C2CD3: variants seen among roughly 807,000 people sequenced by gnomAD.
C2CD3 encodes the protein C2 domain containing 3 centriole elongation regulator, also known as C2 domain-containing protein 3.
C2CD3 carries 148 observed loss-of-function variants against 234.0 expected under a neutral mutation model. The observed-to-expected ratio is 0.63, with a 90% CI of 0.55 to 0.72. The LOEUF (loss-of-function observed/expected upper bound fraction) is 0.72. C2CD3 is among the 30% of genes least tolerant of loss of function. The probability of loss-of-function intolerance (pLI) is 0.00; values close to 1 mark genes in which losing one functional copy is unlikely to be tolerated. For synonymous variants in C2CD3, 1,000 were observed against 1,035.4 expected (o/e 0.97, Z 0.66); for missense variants, 2,577 against 2,811.5 (o/e 0.92, Z 1.89).
In C2CD3 at chr11:74,066,153, T is replaced by C. The variant is rs183776189; in HGVS notation, c.4951+8100A>G. 9.1e-3 allele frequency among the ~76,000 whole-genome samples: 1,361 copies of C among 148,950 alleles called. 20 individuals carry two copies. Among genetic ancestry groups the C allele is most frequent in the African/African-American group, 0.032 (1,298 of 40,262 alleles). ...TGAGTTCGTGTCCTTTGTAGGTACA[T>C]GGATGAAGCTAGAAACCATCATTCT... is the stretch of plus-strand genomic sequence containing the variant. On this transcript the variant is annotated intron_variant, in intron 24 of 32. Transcript: ENST00000334126.
intron 2 of C2CD3, among the ~76,000 whole-genome samples, chr11:74,167,149 T>C (rs1331035091): frequency 6.6e-6 from 1 of 152,212 alleles, no homozygotes; most frequent in Admixed American, 6.5e-5. Flanking sequence ...CCAATGTAAA[T>C]GTTCGGATGC....
chr11:74,027,902 A>T (rs1952369216), intron 32 of C2CD3, among the ~76,000 whole-genome samples: 1 of 152,116 alleles, frequency 6.6e-6, no homozygotes, highest in African/African-American at 2.4e-5. Flanking sequence ...TGTACGACTG[A>T]TATTATTCTC....
chr11:74,049,393 T>C lies in C2CD3; in HGVS notation c.5305A>G (p.Ile1769Val). 6.2e-7 allele frequency: 1 copy of C among 1,614,136 alleles called. No homozygotes were observed. Among genetic ancestry groups the C allele is most frequent in the East Asian group, 2.2e-5 (1 of 44,884 alleles). ...GCTTGCCTTTCTTCTTTGAAGTGTA[T>C]CAAACTCTCCAAAGGGGAGACAGCA... ...KVAVSPLESLIHFKEERQARR... is the reference protein window; with the variant it reads ...KVAVSPLESLVHFKEERQARR... The change falls in exon 27 of 33, where the codon ATA becomes GTA. Residue 1769 changes from isoleucine to valine, a missense_variant. Physicochemically the swap from Ile to Val is conservative, Grantham distance 29. Transcript: ENST00000334126.
chr11:74,049,590 C>A (rs1362967425), intron 26 of C2CD3, 48 bp from the exon 27 acceptor site: 16 of 1,466,334 alleles, frequency 1.1e-5, no homozygotes, highest in Non-Finnish European at 1.4e-5. Flanking sequence ...GCATGTCCTG[C>A]CACTGAGATT....
intron 12 of C2CD3, among the ~76,000 whole-genome samples, chr11:74,107,591 A>AAT (rs1956574647): frequency 6.6e-6 from 1 of 152,216 alleles, no homozygotes; most frequent in Non-Finnish European, 1.5e-5. Context: ...TAAACCTTCA[A>AAT]ATACAAAATT....
At chr11:74,045,957 T>G (rs1053390047) in intron 28 of C2CD3, among the ~76,000 whole-genome samples, 2 of 152,220 alleles carry the variant, frequency 1.3e-5, no homozygotes, top group African/African-American at 4.8e-5. Flanking sequence ...TCTGTTTCAA[T>G]TTCTAATATG....
At chr11:74,083,257 G>A (rs1225408147) in intron 22 of C2CD3, among the ~76,000 whole-genome samples, 2 of 152,082 alleles carry the variant, frequency 1.3e-5, no homozygotes, top group African/African-American at 4.8e-5. Context: ...AGCTGAAACT[G>A]GATCCCTTCC....
rs750182863 is a variant in C2CD3 at position 74,084,961 on chromosome 11, A to G, written c.3920T>C (p.Ile1307Thr). 2.5e-6 allele frequency: 4 copies of G among 1,604,896 alleles called. No individual in the cohort carries two copies. The highest frequency in any genetic ancestry group is 3.4e-6 in the Non-Finnish European group (4 of 1,172,394). Reference protein sequence around the residue: ...YHENTKSASDIISIESCKEYL... With the variant: ...YHENTKSASDTISIESCKEYL... ...CTCTTTGCATGACTCAATACTGATT[A>G]TATCACTTGCTGTTAAATCAAGCAA... is the stretch of plus-strand genomic sequence containing the variant. Residue 1307 changes from isoleucine (I) to threonine (T), a missense_variant, in exon 22 of 33, where the codon ATA becomes ACA. Ile to Thr is a moderately conservative substitution (Grantham distance 89). Transcript: ENST00000334126.
intron 21 of C2CD3, 181 bp downstream of exon 21, chr11:74,085,437 C>T (rs1955597906): frequency 8.2e-6 from 5 of 610,194 alleles, no homozygotes; most frequent in Non-Finnish European, 1.4e-5. Flanking sequence ...TCTCTCTACA[C>T]TATCTTTCTC....
chr11:74,034,475 G>T, intron 30 of C2CD3, 197 bp from the exon 31 acceptor site: 2 of 1,567,852 alleles, frequency 1.3e-6, no homozygotes, highest in Non-Finnish European at 8.7e-7. Context: ...AATATCAGAG[G>T]ACCAGAATCT....
chr11:74,067,227 T>C (rs115183251), intron 24 of C2CD3, among the ~76,000 whole-genome samples: 1 of 151,916 alleles, frequency 6.6e-6, no homozygotes, highest in Non-Finnish European at 1.5e-5. Context: ...GGAGATTTTG[T>C]GAGGAAGCTT....
chr11:74,094,220 T>C (rs1416868398), intron 17 of C2CD3, among the ~76,000 whole-genome samples: 1 of 151,420 alleles, frequency 6.6e-6, no homozygotes. Flanking sequence ...TTTTTTTTAA[T>C]TATAGCCACC....
Position 74,033,651 on chromosome 11 carries a change from G to T in C2CD3, c.6509C>A (p.Ala2170Asp), listed in dbSNP as rs979984361. The T allele has an allele frequency of 2.6e-6, 4 of 1,536,064 alleles. No homozygotes were observed. Among genetic ancestry groups the T allele is most frequent in the Non-Finnish European group, 3.5e-6 (4 of 1,146,932 alleles). ...TGGGCATGGGATGGGCTGAGGGTTG[G>T]CTGAGGCAGACTCGCCACCAACCCT... Reference protein sequence around the residue: ...KARVGGESASANPQPIPCPTL... With the variant: ...KARVGGESASDNPQPIPCPTL... Residue 2170 changes from alanine to aspartate, a missense_variant, in exon 31 of 33, where the codon GCC (alanine) becomes GAC (aspartate). Coordinates refer to ENST00000334126, the MANE Select transcript of C2CD3 (RefSeq NM_001286577.2).
intron 4 of C2CD3, among the ~76,000 whole-genome samples, chr11:74,139,284 T>C (rs1015472686): frequency 3.3e-5 from 5 of 152,236 alleles, no homozygotes; most frequent in African/African-American, 1.2e-4. Context: ...TCCATTCTGT[T>C]TCACAGAATA....
intron 7 of C2CD3, among the ~76,000 whole-genome samples, chr11:74,125,546 T>G (rs1404959624): frequency 6.6e-6 from 1 of 152,154 alleles, no homozygotes; most frequent in Non-Finnish European, 1.5e-5. Flanking sequence ...TTATGAAAAA[T>G]GAAGGACCCA....
intron 32 of C2CD3, among the ~76,000 whole-genome samples, chr11:74,026,962 CA>C (rs34906978): frequency 0.015 from 1,616 of 105,232 alleles, 18 homozygotes; most frequent in African/African-American, 0.045. Flanking sequence ...GAATAAGCCT[CA>C]AAAAAAAAAA....
chr11:74,025,851 T>G (rs1393951960), intron 32 of C2CD3, among the ~76,000 whole-genome samples: 1 of 152,168 alleles, frequency 6.6e-6, no homozygotes, highest in Non-Finnish European at 1.5e-5. Context: ...TTGAGTCACT[T>G]GCCTAAGATC....
chr11:74,081,807 G>A (rs1955384020), intron 22 of C2CD3, among the ~76,000 whole-genome samples: 2 of 152,196 alleles, frequency 1.3e-5, no homozygotes, highest in African/African-American at 4.8e-5. Context: ...GTATAGGAAT[G>A]CTTGTGATTT....
intron 7 of C2CD3, among the ~76,000 whole-genome samples, chr11:74,131,567 T>A (rs1382820610): frequency 6.6e-6 from 1 of 150,796 alleles, no homozygotes; most frequent in Non-Finnish European, 1.5e-5. Flanking sequence ...ATCAAACTAA[T>A]TGGAGGTTTT....
Sources: gnomAD v4.1 joint callset for allele counts (sites outside exome capture counted in the v4.1 genomes callset) on GRCh38, gnomAD v4.1.1 for gene constraint, MANE v1.5 for transcripts, NCBI Gene and HGNC (gene_info 2026-07-23, HGNC 2026-07-21) for gene names.